NAV3: variants seen among roughly 807,000 people sequenced by gnomAD.
The protein encoded by NAV3 is neuron navigator 3, also known as pore membrane and/or filament interacting like protein 1.
NAV3 carries 87 observed loss-of-function variants against 244.7 expected under a neutral mutation model. The ratio of observed to expected loss-of-function variants is 0.36; its 90% confidence interval spans 0.30 to 0.42. The LOEUF is 0.42. Ranked by LOEUF, NAV3 falls within the 20% of genes least tolerant of loss-of-function variation. The pLI, the probability that NAV3 is intolerant of heterozygous loss-of-function variation, is 1.00. For missense variants in NAV3, 2,663 were observed against 2,893.3 expected, an observed-to-expected ratio of 0.92 and a Z score of 1.83; for synonymous variants, 1,126 against 1,042.2, an observed-to-expected ratio of 1.08 and a Z score of -1.55.
chr12:77,831,944 CTACT>C (rs1221177763), intron 1 of NAV3, among the ~76,000 whole-genome samples: 5 of 152,100 alleles, frequency 3.3e-5, no homozygotes, highest in Non-Finnish European at 5.9e-5. Context: ...TCATTTAATA[CTACT>C]TATTGATGAA....
chr12:77,898,196 G>A (rs955813856), intron 1 of NAV3, among the ~76,000 whole-genome samples: 5 of 151,988 alleles, frequency 3.3e-5, no homozygotes, highest in Admixed American at 2.0e-4. Flanking sequence ...CATGATTTCC[G>A]TCCCAACCAT....
At chr12:78,064,466 T>TGCCTGCCTGC (rs1566082445) in intron 12 of NAV3, among the ~76,000 whole-genome samples, 4 of 117,962 alleles carry the variant, frequency 3.4e-5, no homozygotes, top group African/African-American at 1.3e-4. Context: ...TGCCTGCCTG[T>TGCCTGCCTGC]CTGTCTATAT....
chr12:77,599,304 T>A (rs1037054200), intron 2 of NAV3, among the ~76,000 whole-genome samples: 2 of 152,018 alleles, frequency 1.3e-5, no homozygotes, highest in African/African-American at 4.8e-5. Flanking sequence ...ATTATTCAAT[T>A]GTATCTTCAA....
chr12:77,630,229 C>T (rs1312831855), intron 2 of NAV3, among the ~76,000 whole-genome samples: 1 of 152,084 alleles, frequency 6.6e-6, no homozygotes, highest in East Asian at 1.9e-4. Flanking sequence ...AAATTCCTCT[C>T]GTTGGTGGTG....
chr12:77,698,705 A>G (rs778574321), intron 2 of NAV3, among the ~76,000 whole-genome samples: 2 of 152,178 alleles, frequency 1.3e-5, no homozygotes, highest in Non-Finnish European at 2.9e-5. Context: ...CAAGATAATT[A>G]CTATTTAATG....
intron 2 of NAV3, among the ~76,000 whole-genome samples, chr12:77,676,127 G>A (rs1279534359): frequency 1.3e-5 from 2 of 151,770 alleles, no homozygotes; most frequent in Admixed American, 6.6e-5. Flanking sequence ...TGTGCTGAAC[G>A]TGCAGGTTTG....
intron 2 of NAV3, among the ~76,000 whole-genome samples, chr12:77,796,286 A>T (rs1273751606): frequency 6.6e-6 from 1 of 152,196 alleles, no homozygotes; most frequent in African/African-American, 2.4e-5. Flanking sequence ...GGGTTTCAAG[A>T]CTTCAGCAGA....
intron 2 of NAV3, among the ~76,000 whole-genome samples, chr12:77,619,018 CA>C (rs1211772317): frequency 2.0e-5 from 3 of 152,056 alleles, no homozygotes; most frequent in African/African-American, 4.8e-5. Context: ...GATTTGCTTC[CA>C]AAATAAGAAT....
intron 2 of NAV3, among the ~76,000 whole-genome samples, chr12:77,630,505 A>G (rs1316746956): frequency 6.6e-6 from 1 of 152,060 alleles, no homozygotes. Flanking sequence ...TTGTCACCTG[A>G]TATGGTCAGC....
At chr12:78,176,089 T>C (rs957118584) in intron 25 of NAV3, among the ~76,000 whole-genome samples, 3 of 152,032 alleles carry the variant, frequency 2.0e-5, no homozygotes, top group Non-Finnish European at 4.4e-5. Flanking sequence ...AGCAGAAATA[T>C]AGAAATGCAC....
chr12:78,050,419 G>A (rs1328306534), intron 10 of NAV3, among the ~76,000 whole-genome samples: 1 of 152,198 alleles, frequency 6.6e-6, no homozygotes, highest in African/African-American at 2.4e-5. Context: ...CACTTGAAAT[G>A]CATCTGGGCA....
chr12:78,049,721 A>G (rs1472412756), intron 9 of NAV3, among the ~76,000 whole-genome samples: 1 of 151,524 alleles, frequency 6.6e-6, no homozygotes, highest in Non-Finnish European at 1.5e-5. Flanking sequence ...AGTAAACAGC[A>G]TATTTCCAAG....
chr12:78,174,678 T>A (rs1372246064), intron 24 of NAV3, among the ~76,000 whole-genome samples: 1 of 151,924 alleles, frequency 6.6e-6, no homozygotes, highest in Non-Finnish European at 1.5e-5. Flanking sequence ...CTTAAATATG[T>A]CCTCTGTTTA....
intron 24 of NAV3, among the ~76,000 whole-genome samples, chr12:78,170,406 A>G (rs551563753): frequency 6.6e-6 from 1 of 151,580 alleles, no homozygotes; most frequent in East Asian, 1.9e-4. Flanking sequence ...TACTCTTGCC[A>G]TCCATCACCT....
intron 1 of NAV3, among the ~76,000 whole-genome samples, chr12:77,835,680 C>T (rs1874504917): frequency 6.6e-6 from 1 of 152,204 alleles, no homozygotes. Flanking sequence ...TTTAAAGTTT[C>T]CTATCAATTA....
chr12:78,168,088 T>C (rs1441798074), intron 23 of NAV3, among the ~76,000 whole-genome samples: 1 of 151,740 alleles, frequency 6.6e-6, no homozygotes, highest in Non-Finnish European at 1.5e-5. Flanking sequence ...AATTGTATAA[T>C]ACATATATTT....
rs560071816 is a variant in NAV3, at chr12:77,709,086, T to G, written c.72+136820T>G. On this transcript the variant is annotated intron_variant, in intron 2 of 8. Transcript: ENST00000550042. ...CTGCCTGATTGCCCTGGCCAGAACATCAAAAAACTTATCCACCATGATCAA... is the reference window on the plus strand; with the variant it reads ...CTGCCTGATTGCCCTGGCCAGAACAGCAAAAAACTTATCCACCATGATCAA... 3.3e-5 allele frequency among the ~76,000 whole-genome samples: 5 copies of G among 152,248 alleles called. No individual in the cohort carries two copies. In the East Asian group the frequency reaches 7.7e-4, roughly 24 times the overall value.
chr12:77,844,751 CA>C (rs1408466549), intron 1 of NAV3, among the ~76,000 whole-genome samples: 5 of 152,136 alleles, frequency 3.3e-5, no homozygotes, highest in Admixed American at 3.3e-4. Flanking sequence ...CATACTTATT[CA>C]TCCTGTAGTC....
At chr12:78,095,539 G>GT (rs1283260563) in intron 12 of NAV3, among the ~76,000 whole-genome samples, 1 of 152,142 alleles carries the variant, frequency 6.6e-6, no homozygotes, top group Non-Finnish European at 1.5e-5. Context: ...CCATGCTAAA[G>GT]TTTACAGAAT....
Sources: gnomAD v4.1 joint callset for allele counts (sites outside exome capture counted in the v4.1 genomes callset) on GRCh38, gnomAD v4.1.1 for gene constraint, MANE v1.5 for transcripts, NCBI Gene and HGNC (gene_info 2026-07-23, HGNC 2026-07-21) for gene names.